LZTFL1: variants seen among roughly 807,000 people sequenced by gnomAD.
LZTFL1 encodes the protein leucine zipper transcription factor-like protein 1.
A neutral mutation model predicts 45.9 loss-of-function variants in LZTFL1; 25 were observed. The ratio of observed to expected loss-of-function variants is 0.54; its 90% CI spans 0.40 to 0.76. The LOEUF (loss-of-function observed/expected upper bound fraction) is 0.76, where lower values mean the gene tolerates loss of function less well. LZTFL1 is among the 30% of genes least tolerant of loss of function. LZTFL1 has a pLI of 0.00. For missense variants in LZTFL1, 277 were observed against 331.1 expected, an observed-to-expected ratio of 0.84 and a Z score of 1.27; for synonymous variants, 93 against 117.4, an observed-to-expected ratio of 0.79 and a Z score of 1.35.
At chr3:45,883,823 G>A in intron 2 of LZTFL1, 1 of 526,128 alleles carries the variant, frequency 1.9e-6, no homozygotes, top group Non-Finnish European at 3.5e-6. Flanking sequence ...AGTGAGAGTT[G>A]CAGCCACGGA....
intron 2 of LZTFL1, among the ~76,000 whole-genome samples, chr3:45,874,780 G>A (rs1701723708): frequency 6.6e-6 from 1 of 152,200 alleles, no homozygotes; most frequent in African/African-American, 2.4e-5. Context: ...CAAAGTGATG[G>A]TGTGGCAGTT....
At chr3:45,844,772 C>T (rs1312290877), upstream of LZTFL1, among the ~76,000 whole-genome samples, 1 of 152,172 alleles carries the variant, frequency 6.6e-6, no homozygotes, top group Non-Finnish European at 1.5e-5. Flanking sequence ...AGGCAAGAGG[C>T]TATTTTCAGT....
At chr3:45,828,681 G>A (rs1020233667) in intron 7 of LZTFL1, 66 bp from the exon 8 acceptor site, 7 of 1,310,972 alleles carry the variant, frequency 5.3e-6, no homozygotes, top group Admixed American at 2.0e-5. Context: ...TTTTAGAATG[G>A]TGATTCAACA....
At chr3:45,848,946 C>A (rs1559408759) in intron 4 of LZTFL1, among the ~76,000 whole-genome samples, 1 of 152,098 alleles carries the variant, frequency 6.6e-6, no homozygotes, top group Non-Finnish European at 1.5e-5. Flanking sequence ...TGAAAAATAT[C>A]CATGTATAAG....
Position 45,838,044 on chromosome 3 carries a change from A to G in LZTFL1, c.11T>C (p.Leu4Ser). The G allele has an allele frequency of 6.3e-7, 1 of 1,593,280 alleles. No individual in the cohort carries two copies. The highest frequency in any genetic ancestry group is 8.5e-7 in the Non-Finnish European group (1 of 1,174,252). ...ATTTTGATGGTGCTCATTTAGGCCC[A>G]ACTCTGCCTGAAAAAGAAAGAGGTA... MAE[L>S]GLNEHHQNEV... Residue 4 changes from leucine (L) to serine (S), a missense_variant, in exon 2 of 10, where the codon TTG (leucine) becomes TCG (serine). Leu to Ser is a moderately radical substitution (Grantham distance 145, BLOSUM62 -2). Coordinates refer to ENST00000296135, the MANE Select transcript of LZTFL1 (RefSeq NM_020347.4).
chr3:45,900,786 AT>A lies in LZTFL1; in HGVS notation c.-215+12333del. On this transcript the variant is annotated intron_variant, in intron 2 of 4. Coordinates refer to the LZTFL1 transcript ENST00000472635. This position sits in a 1 kb window ranked among gnomAD's most constrained non-coding sequence, Gnocchi z 4.7. ...CCTTCAAAATATTTTCCTTGACCTA[AT>A]GCCATCTTGTGTCCCCTTGCAGAGC... The A allele has an allele frequency of 6.3e-7, 1 of 1,591,232 alleles. No homozygotes were observed. Among genetic ancestry groups the A allele is most frequent in the Non-Finnish European group, 8.6e-7 (1 of 1,166,980 alleles).
At chr3:45,885,873 T>C (rs999374931) in intron 2 of LZTFL1, among the ~76,000 whole-genome samples, 1 of 152,150 alleles carries the variant, frequency 6.6e-6, no homozygotes, top group Admixed American at 6.5e-5. Context: ...CCACCATGCC[T>C]GCCTAATTGT....
intron 1 of LZTFL1, among the ~76,000 whole-genome samples, chr3:45,839,225 A>G (rs1701042734): frequency 6.6e-6 from 1 of 151,920 alleles, no homozygotes; most frequent in Admixed American, 6.6e-5. Context: ...AGTAGCTGGG[A>G]CCACAGGCGC....
intron 2 of LZTFL1, among the ~76,000 whole-genome samples, chr3:45,877,934 C>G (rs1701779422): frequency 6.6e-6 from 1 of 151,700 alleles, no homozygotes; most frequent in Non-Finnish European, 1.5e-5. Context: ...TTAGTAGAGA[C>G]AGTGTTTCAC....
intron 5 of LZTFL1, chr3:45,832,560 A>C (rs1456205496): frequency 2.6e-5 from 4 of 152,268 alleles, no homozygotes; most frequent in African/African-American, 9.7e-5. Context: ...TGTGCTGATA[A>C]ATAATTTTTT....
At chr3:45,851,819 G>T (rs921937011) in intron 4 of LZTFL1, among the ~76,000 whole-genome samples, 1 of 140,576 alleles carries the variant, frequency 7.1e-6, no homozygotes, top group African/African-American at 2.6e-5. Flanking sequence ...CTGCACTCCA[G>T]CCTGGGTGAC....
chr3:45,897,736 T>G, intron 2 of LZTFL1: 2 of 706,724 alleles, frequency 2.8e-6, no homozygotes, highest in Non-Finnish European at 4.6e-6. Flanking sequence ...CTGCCAAGCA[T>G]GCCCTCTTTC....
intron 9 of LZTFL1, among the ~76,000 whole-genome samples, chr3:45,826,873 T>C (rs1700681861): frequency 6.6e-6 from 1 of 152,204 alleles, no homozygotes; most frequent in African/African-American, 2.4e-5. Flanking sequence ...TAACTGGGTA[T>C]CATGTGACTG....
chr3:45,884,142 C>A (rs1701916992), intron 2 of LZTFL1: 1 of 154,218 alleles, frequency 6.5e-6, no homozygotes, highest in Non-Finnish European at 1.4e-5. Flanking sequence ...CTTATAGTGC[C>A]CTGTCCTCCA....
intron 9 of LZTFL1, 45 bp downstream of exon 9, chr3:45,827,311 T>A: frequency 7.3e-7 from 1 of 1,366,716 alleles, no homozygotes; most frequent in East Asian, 2.3e-5. Flanking sequence ...AGAACAAACA[T>A]CAATCCAGAG....
chr3:45,827,967 T>C (rs1184783191), intron 8 of LZTFL1, among the ~76,000 whole-genome samples: 1 of 152,164 alleles, frequency 6.6e-6, no homozygotes, highest in Non-Finnish European at 1.5e-5. Context: ...CCTCCCAAAG[T>C]GCTGGGATTA....
chr3:45,886,331 C>T (rs143241347), intron 2 of LZTFL1, among the ~76,000 whole-genome samples: 17 of 152,328 alleles, frequency 1.1e-4, no homozygotes, highest in Admixed American at 3.9e-4. Flanking sequence ...GCTCTTAGAT[C>T]ATCAGTCTGT....
At chr3:45,879,041 G>T (rs1701804150) in intron 2 of LZTFL1, among the ~76,000 whole-genome samples, 1 of 152,184 alleles carries the variant, frequency 6.6e-6, no homozygotes, top group Non-Finnish European at 1.5e-5. Flanking sequence ...GGAGCATCAG[G>T]AACTCTTATT....
At chr3:45,828,093 T>A (rs1185913943) in intron 8 of LZTFL1, among the ~76,000 whole-genome samples, 1 of 151,904 alleles carries the variant, frequency 6.6e-6, no homozygotes, top group African/African-American at 2.4e-5. Flanking sequence ...AGTATAGAAG[T>A]CCTTAAAAAA....
Sources: gnomAD v4.1 joint callset for allele counts (sites outside exome capture counted in the v4.1 genomes callset) on GRCh38, gnomAD v4.1.1 for gene constraint, Gnocchi (gnomAD v3.1) non-coding constraint, MANE v1.5 for transcripts, NCBI Gene and HGNC (gene_info 2026-07-23, HGNC 2026-07-21) for gene names.